The following RAF1 variants were observed in gnomAD, a reference collection of about 807,000 sequenced individuals.
The protein encoded by RAF1 is Raf-1 proto-oncogene, serine/threonine kinase, also known as RAF proto-oncogene serine/threonine-protein kinase.
In RAF1, 27 loss-of-function variants were observed where a neutral mutation model predicts 81.1. The observed-to-expected ratio is 0.33, with a 90% CI of 0.25 to 0.46. RAF1 has a LOEUF of 0.46. RAF1 is among the 20% of genes least tolerant of loss of function. The pLI, the probability that RAF1 is intolerant of heterozygous loss-of-function variation, is 1.00. For synonymous variants in RAF1, 298 were observed against 294.0 expected (o/e 1.01, Z -0.14); for missense variants, 598 against 826.0 (o/e 0.72, Z 3.38).
At chr3:12,633,120 T>TA (rs1315290005) in intron 1 of RAF1, among the ~76,000 whole-genome samples, 1 of 151,922 alleles carries the variant, frequency 6.6e-6, no homozygotes, top group African/African-American at 2.4e-5. Flanking sequence ...TCTTATCTTT[T>TA]AAAAAAATAA....
Position 12,584,591 on chromosome 3 carries a change from A to C in RAF1, c.1930T>G (p.Ser644Ala). The change falls in exon 18 of 18, where the codon TCC (serine) becomes GCC (alanine). Residue 644 changes from serine to alanine, a missense_variant. Coordinates refer to ENST00000442415, the MANE Select transcript of RAF1 (RefSeq NM_001354689.3). ...TCAGTGTGGGCTGCCCGATGCAAGGATGGCTCGGAAGCGCTCCGGTTGATC... is the reference window on the plus strand; with the variant it reads ...TCAGTGTGGGCTGCCCGATGCAAGGCTGGCTCGGAAGCGCTCCGGTTGATC... 6.2e-7 allele frequency: 1 copy of C among 1,614,138 alleles called. No individual in the cohort carries two copies. The highest frequency in any genetic ancestry group is 1.1e-5 in the South Asian group (1 of 91,082).
intron 1 of RAF1, among the ~76,000 whole-genome samples, chr3:12,640,795 G>A (rs1440561936): frequency 6.6e-6 from 1 of 152,156 alleles, no homozygotes; most frequent in Non-Finnish European, 1.5e-5. Flanking sequence ...CATTGTGGAA[G>A]TCAGTGTGGC....
intron 11 of RAF1, among the ~76,000 whole-genome samples, chr3:12,595,433 GCT>G (rs1446018765): frequency 1.3e-5 from 2 of 152,076 alleles, no homozygotes. Context: ...CAGATAATGA[GCT>G]CTCTCATCAC....
Position 12,612,000 on chromosome 3 carries a change from G to C in RAF1, c.270C>G (p.Gly90=), listed in dbSNP as rs759909806. The change falls in exon 3 of 18, where the codon GGC becomes GGG. Residue 90 remains glycine (G), a synonymous_variant. Transcript: ENST00000442415. The stretch of plus-strand genomic sequence containing the variant: ...ACACTGCACAGCACTCTGGTTGCAG[G>C]CCCCTCACCTTGAGTGCTTTCATAA... 2 of 1,614,066 alleles carry C rather than the reference G, an allele frequency of 1.2e-6. No homozygotes were observed. Among genetic ancestry groups the C allele is most frequent in the Non-Finnish European group, 1.7e-6 (2 of 1,180,000 alleles).
chr3:12,595,942 C>T (rs1015806686), intron 11 of RAF1, among the ~76,000 whole-genome samples: 10 of 148,256 alleles, frequency 6.7e-5, no homozygotes, highest in Non-Finnish European at 1.2e-4. Flanking sequence ...GTGGTGTTAT[C>T]ACGGCTCACT....
At position 12,619,567 on chromosome 3, in the gene RAF1, C is replaced by CAA. The variant is rs544916552; in HGVS notation, c.-26-822_-26-821dup. 8.6e-4 allele frequency among the ~76,000 whole-genome samples: 70 copies of CAA among 81,104 alleles called. 1 individual carries two copies. In the South Asian group the frequency reaches 0.015, roughly 18 times the overall value. 53.2% of individuals were successfully genotyped at this position (81,104 alleles called of 152,430 possible). ...GGGACAAGAGCGAGACTCCATCTCC[C>CAA]AAAAAAAAAAAAAAAAGCCAACTTG... On this transcript the variant is annotated intron_variant, in intron 1 of 17. Coordinates refer to ENST00000442415, the MANE Select transcript of RAF1 (RefSeq NM_001354689.3).
At chr3:12,587,356 A>G in intron 14 of RAF1, 1 of 568,902 alleles carries the variant, frequency 1.8e-6, no homozygotes, top group Non-Finnish European at 3.1e-6. Context: ...TTGCTGAGAT[A>G]AACTCAGAAA....
chr3:12,650,764 G>T (rs1398277634), intron 1 of RAF1, among the ~76,000 whole-genome samples: 1 of 152,182 alleles, frequency 6.6e-6, no homozygotes, highest in Non-Finnish European at 1.5e-5. Flanking sequence ...TAGGCACTGG[G>T]CTAAGAGCTT....
rs959496066 is a variant in RAF1, at chr3:12,643,744, A to AT, written c.-27+20068_-27+20069insA. 2.8e-3 allele frequency among the ~76,000 whole-genome samples: 431 copies of AT among 151,756 alleles called. 3 individuals carry two copies. Among genetic ancestry groups the AT allele is most frequent in the African/African-American group, 9.8e-3 (404 of 41,346 alleles). On this transcript the variant is annotated intron_variant, in intron 1 of 17. Transcript: ENST00000442415. ...AGAGCAAAACTCTGTCTCAAAAAAA[A>AT]AAAAATAAAAATAAAAACAAAAAAG... is the stretch of plus-strand genomic sequence containing the variant.
chr3:12,646,437 C>A lies in RAF1; in HGVS notation c.-27+17376G>T, dbSNP rs138915993. ...TCACCCACGCTGGAGTGCAGTGGCA[C>A]GATCTCAGCTCACTGCAACCTCTGC... is the stretch of plus-strand genomic sequence containing the variant. On this transcript the variant is annotated intron_variant, in intron 1 of 17. Coordinates refer to ENST00000442415, the MANE Select transcript of RAF1 (RefSeq NM_001354689.3). Among the ~76,000 whole-genome samples, 11 of 152,216 alleles carry A rather than the reference C, an allele frequency of 7.2e-5. No individual in the cohort carries two copies. In the East Asian group the frequency reaches 2.1e-3, roughly 29 times the overall value.
chr3:12,585,088 C>T (rs750026215), intron 16 of RAF1, 34 bp downstream of exon 15: 27 of 1,613,934 alleles, frequency 1.7e-5, no homozygotes, highest in Admixed American at 1.7e-5. Context: ...GGGGCTCCCA[C>T]GAGTTGGGTC....
intron 11 of RAF1, among the ~76,000 whole-genome samples, chr3:12,593,095 CTTT>C (rs11300070): frequency 1.4e-5 from 2 of 142,732 alleles, no homozygotes; most frequent in Non-Finnish European, 1.5e-5. Flanking sequence ...TTCCTCCTTC[CTTT>C]TTTTTTTTTT....
intron 1 of RAF1, among the ~76,000 whole-genome samples, chr3:12,662,388 A>G (rs1228278199): frequency 6.6e-6 from 1 of 150,816 alleles, no homozygotes; most frequent in Non-Finnish European, 1.5e-5. Flanking sequence ...CATTGTTCTG[A>G]AAAAATAAAA....
chr3:12,657,862 AAAAACAAAAC>A (rs796522408), intron 1 of RAF1, among the ~76,000 whole-genome samples: 4 of 102,882 alleles, frequency 3.9e-5, no homozygotes, highest in South Asian at 5.4e-4. Context: ...CACCCAAAAA[AAAAACAAAAC>A]AAAACAAAAC....
At chr3:12,599,557 T>G in intron 11 of RAF1, 134 bp downstream of exon 10, 1 of 699,394 alleles carries the variant, frequency 1.4e-6, no homozygotes, top group Admixed American at 2.4e-5. Context: ...TCTTCAGGTA[T>G]AATCAAGTAT....
In RAF1 at chr3:12,664,023, G is replaced by A. The variant is rs1274951293; in HGVS notation, c.-237C>T. On this transcript the variant is annotated 5_prime_UTR_variant, in exon 1 of 18. Coordinates refer to ENST00000442415, the MANE Select transcript of RAF1 (RefSeq NM_001354689.3). ...AAAGCCCGGCCAGCTGACCCTTTTCGGGGCCCAAAAAAGGCAGCAGAAAGC... is the reference window on the plus strand; with the variant it reads ...AAAGCCCGGCCAGCTGACCCTTTTCAGGGCCCAAAAAAGGCAGCAGAAAGC... 3 of 398,304 alleles carry A rather than the reference G, an allele frequency of 7.5e-6. No homozygotes were observed. Among genetic ancestry groups the A allele is most frequent in the African/African-American group, 4.1e-5 (2 of 48,586 alleles). The allele number at this position is 398,304 out of a possible 1,614,324, so 24.7% of individuals were successfully genotyped here.
intron 1 of RAF1, 94 bp downstream of exon 1, chr3:12,663,719 A>C (rs574491315): frequency 2.5e-6 from 1 of 393,746 alleles, no homozygotes; most frequent in East Asian, 3.6e-5. Flanking sequence ...GGGCCGCTCC[A>C]TCAGCGCCAC....
chr3:12,632,216 C>T (rs1206752261), intron 1 of RAF1, among the ~76,000 whole-genome samples: 6 of 148,918 alleles, frequency 4.0e-5, no homozygotes, highest in Non-Finnish European at 8.8e-5. Flanking sequence ...CCCAGCTACT[C>T]GGGAGGCTGA....
Position 12,606,223 on chromosome 3 carries a change from ACT to A in RAF1, c.656_657del (p.Glu219ValfsTer8), listed in dbSNP as rs2059024342. ...TACCTAACAGGCATCCTGGAAACAGACTCTCGCATACGACGCATAGTCAAAGA... is the reference window on the plus strand; with the variant it reads ...TACCTAACAGGCATCCTGGAAACAGACTCGCATACGACGCATAGTCAAAGA... On this transcript the variant is annotated frameshift_variant, in exon 6 of 18. Coordinates refer to ENST00000442415, the MANE Select transcript of RAF1 (RefSeq NM_001354689.3). LOFTEE classifies it high-confidence loss of function. 1.2e-6 allele frequency: 2 copies of A among 1,613,736 alleles called. No individual in the cohort carries two copies. Among genetic ancestry groups the A allele is most frequent in the Non-Finnish European group, 1.7e-6 (2 of 1,179,774 alleles).
Sources: gnomAD v4.1 joint callset for allele counts (sites outside exome capture counted in the v4.1 genomes callset) on GRCh38, gnomAD v4.1.1 for gene constraint, MANE v1.5 for transcripts, NCBI Gene and HGNC (gene_info 2026-07-23, HGNC 2026-07-21) for gene names.